Variants in GPAT4 observed in about 807,000 individuals in gnomAD.
GPAT4 encodes the protein 1-AGP acyltransferase 6.
GPAT4 carries 17 observed loss-of-function variants against 58.0 expected under a neutral mutation model. The ratio of observed to expected loss-of-function variants is 0.29; its 90% CI spans 0.20 to 0.44. The LOEUF (loss-of-function observed/expected upper bound fraction) is 0.44, where lower values mean the gene tolerates loss of function less well. Ranked by LOEUF, GPAT4 falls within the 20% of genes least tolerant of loss-of-function variation. The pLI is 1.00. For missense variants in GPAT4, 377 were observed against 574.5 expected, an observed-to-expected ratio of 0.66 and a Z score of 3.51; for synonymous variants, 204 against 210.1, an observed-to-expected ratio of 0.97 and a Z score of 0.25.
intron 1 of GPAT4, among the ~76,000 whole-genome samples, chr8:41,594,209 A>C (rs1802862468): frequency 6.6e-6 from 1 of 152,190 alleles, no homozygotes. Context: ...GAAAAACTGG[A>C]TGATACCTCT....
At chr8:41,619,169 A>G in intron 12 of GPAT4, 192 bp downstream of exon 12, 1 of 657,296 alleles carries the variant, frequency 1.5e-6, no homozygotes, top group Non-Finnish European at 2.6e-6. Context: ...TGGATCAGGG[A>G]TGCCTGGACT....
intron 2 of GPAT4, among the ~76,000 whole-genome samples, chr8:41,607,400 C>A (rs1381965348): frequency 3.3e-5 from 5 of 152,210 alleles, no homozygotes; most frequent in Non-Finnish European, 5.9e-5. Context: ...ATCACAGAGC[C>A]TGCAGGCGTC....
chr8:41,611,961 G>T lies in GPAT4; in HGVS notation c.670G>T (p.Ala224Ser). The stretch of plus-strand genomic sequence containing the variant: ...AATGTGTTACCGGATCTGCGTGCGA[G>T]CGCTGACAGCCATCATCACCTACCA... ...HLMCYRICVR[A>S]LTAIITYHDR... Residue 224 changes from alanine (A) to serine (S), a missense_variant, in exon 6 of 13, where the codon GCG becomes TCG. Transcript: ENST00000396987. 1 of 1,614,222 alleles carries T rather than the reference G, an allele frequency of 6.2e-7. No individual in the cohort carries two copies. The highest frequency in any genetic ancestry group is 1.3e-5 in the African/African-American group (1 of 75,062).
At chr8:41,583,099 G>T (rs1017031649) in intron 1 of GPAT4, among the ~76,000 whole-genome samples, 5 of 151,986 alleles carry the variant, frequency 3.3e-5, no homozygotes, top group African/African-American at 1.2e-4. Flanking sequence ...GGTGGCCTGT[G>T]CCTGTAATCC....
chr8:41,607,663 G>A (rs1347526489), intron 2 of GPAT4, among the ~76,000 whole-genome samples: 2 of 151,814 alleles, frequency 1.3e-5, no homozygotes, highest in Non-Finnish European at 2.9e-5. Flanking sequence ...GGAGTAGCTG[G>A]GACTACAGGC....
At chr8:41,596,811 A>G (rs928089115) in intron 1 of GPAT4, among the ~76,000 whole-genome samples, 4 of 152,254 alleles carry the variant, frequency 2.6e-5, no homozygotes, top group Non-Finnish European at 5.9e-5. Flanking sequence ...ACCAAGTTGT[A>G]GAAGGAAAGG....
intron 1 of GPAT4, among the ~76,000 whole-genome samples, chr8:41,587,730 A>AGC (rs1802693167): frequency 6.6e-6 from 1 of 152,202 alleles, no homozygotes; most frequent in Non-Finnish European, 1.5e-5. Flanking sequence ...GGGGTAAAAA[A>AGC]ATCACCCTTG....
chr8:41,603,896 A>AGAATGAATGAAT (rs56179166), intron 2 of GPAT4, among the ~76,000 whole-genome samples: 22,003 of 150,694 alleles, frequency 0.15, 1,769 homozygotes, highest in East Asian at 0.27. Context: ...TCAGCTGCAC[A>AGAATGAATGAAT]GAATGAATGA....
chr8:41,597,497 T>C (rs567309885), intron 1 of GPAT4, among the ~76,000 whole-genome samples: 1 of 152,342 alleles, frequency 6.6e-6, no homozygotes, highest in African/African-American at 2.4e-5. Context: ...GTGGAAAATA[T>C]GGCAAGGTCT....
At chr8:41,581,993 ATTT>A (rs71230849) in intron 1 of GPAT4, among the ~76,000 whole-genome samples, 512 of 63,432 alleles carry the variant, frequency 8.1e-3, no homozygotes, top group African/African-American at 0.03. Context: ...AAGTTCAATG[ATTT>A]TTTTTTTTTT....
At chr8:41,603,424 G>A (rs1234063874) in intron 2 of GPAT4, among the ~76,000 whole-genome samples, 1 of 151,732 alleles carries the variant, frequency 6.6e-6, no homozygotes, top group Non-Finnish European at 1.5e-5. Flanking sequence ...TACTCGGGAG[G>A]CTGAAGCAGA....
chr8:41,609,843 T>G lies in GPAT4; in HGVS notation c.424T>G (p.Ser142Ala), dbSNP rs762003163. 1 of 1,614,052 alleles carries G rather than the reference T, an allele frequency of 6.2e-7. No individual in the cohort carries two copies. The highest frequency in any genetic ancestry group is 8.5e-7 in the Non-Finnish European group (1 of 1,180,032). ...GAGATTCTCAGCAGAAGAACTGGAG[T>G]CCTGGAACCTGCTGAGCAGAACCAA... The part of the protein sequence containing the change: ...TKRFSAEELE[S>A]WNLLSRTNYN... Residue 142 changes from serine to alanine, a missense_variant, in exon 4 of 13, where the codon TCC (serine) becomes GCC (alanine). By Grantham distance (99) the Ser-to-Ala change is moderately conservative. Transcript: ENST00000396987.
At chr8:41,596,445 G>A (rs1449961960) in intron 1 of GPAT4, among the ~76,000 whole-genome samples, 1 of 152,230 alleles carries the variant, frequency 6.6e-6, no homozygotes, top group African/African-American at 2.4e-5. Flanking sequence ...TGCTGTGGGT[G>A]ATCAGGCCAC....
chr8:41,593,268 A>G (rs1249491813), intron 1 of GPAT4, among the ~76,000 whole-genome samples: 1 of 152,210 alleles, frequency 6.6e-6, no homozygotes, highest in East Asian at 1.9e-4. Flanking sequence ...AGGGGTTATA[A>G]CACACATCAG....
chr8:41,586,651 T>G (rs959086245), intron 1 of GPAT4, among the ~76,000 whole-genome samples: 1 of 152,146 alleles, frequency 6.6e-6, no homozygotes, highest in African/African-American at 2.4e-5. Context: ...CTGAGTGCTC[T>G]CCAGTACTGA....
At chr8:41,586,226 A>T (rs1721880239) in intron 1 of GPAT4, among the ~76,000 whole-genome samples, 1 of 152,234 alleles carries the variant, frequency 6.6e-6, no homozygotes, top group Admixed American at 6.5e-5. Context: ...TTGAAGATTC[A>T]TCCATGTTAT....
At chr8:41,613,473 A>G (rs1271904284) in intron 8 of GPAT4, among the ~76,000 whole-genome samples, 2 of 152,206 alleles carry the variant, frequency 1.3e-5, no homozygotes, top group Non-Finnish European at 2.9e-5. Context: ...CCATCATAAT[A>G]AACAAAATAC....
intron 10 of GPAT4, among the ~76,000 whole-genome samples, chr8:41,616,773 G>A (rs1411938478): frequency 1.3e-5 from 2 of 152,162 alleles, no homozygotes; most frequent in Admixed American, 6.5e-5. Flanking sequence ...TTTCCATTTA[G>A]TCCACAGAGT....
chr8:41,612,146 A>G, intron 6 of GPAT4, 34 bp from the exon 7 acceptor site: 1 of 1,609,682 alleles, frequency 6.2e-7, no homozygotes, highest in Non-Finnish European at 8.5e-7. Context: ...GTTTCACACT[A>G]ATTTTGGTTG....
Sources: allele counts gnomAD v4.1 joint callset (sites outside exome capture counted in the v4.1 genomes callset), GRCh38; gene constraint gnomAD v4.1.1; transcripts MANE v1.5; gene names NCBI Gene and HGNC (gene_info 2026-07-23, HGNC 2026-07-21).